Variants in KANK2 observed in about 807,000 individuals in gnomAD.
KANK2 encodes the protein KN motif and ankyrin repeat domains 2, also known as KN motif and ankyrin repeat domain-containing protein 2.
KANK2 carries 41 observed loss-of-function variants against 74.6 expected under a neutral mutation model. The ratio of observed to expected loss-of-function variants is 0.55; its 90% CI spans 0.43 to 0.71. KANK2 has a LOEUF of 0.71. KANK2 is among the 30% of genes least tolerant of loss of function. The probability of loss-of-function intolerance (pLI) is 0.00; values close to 1 mark genes in which losing one functional copy is unlikely to be tolerated. For synonymous variants in KANK2, 537 were observed against 519.0 expected, an observed-to-expected ratio of 1.03 and a Z score of -0.47; for missense variants, 1,148 against 1,196.4, an observed-to-expected ratio of 0.96 and a Z score of 0.60.
intron 7 of KANK2, 119 bp from the exon 8 acceptor site, chr19:11,176,108 C>T (rs560349885): frequency 1.4e-6 from 1 of 693,066 alleles, no homozygotes; most frequent in Admixed American, 2.5e-5. Context: ...GCATCTCAGA[C>T]CCTCCTTCAC....
At chr19:11,175,327 T>C (rs1296904706) in intron 8 of KANK2, among the ~76,000 whole-genome samples, 4 of 142,002 alleles carry the variant, frequency 2.8e-5, no homozygotes, top group South Asian at 2.2e-4. Flanking sequence ...ACTTGGGAGG[T>C]TGAGGCAGGA....
Position 11,170,745 on chromosome 19 carries a change from A to AATG in KANK2, c.2212-500_2212-498dup, listed in dbSNP as rs934176647. On this transcript the variant is annotated intron_variant, in intron 10 of 12. Coordinates refer to ENST00000586659, the MANE Select transcript of KANK2 (RefSeq NM_001136191.3). The surrounding 1 kb of genome is among the most constrained non-coding windows in gnomAD (Gnocchi z 5.2). ...AGCTGAGACTACAGGCATGCGCCAC[A>AATG]ATGCCTGGCTAATTTTTGTATCTTT... Among the ~76,000 whole-genome samples the AATG allele has an allele frequency of 6.6e-6, 1 of 152,026 alleles. No homozygotes were observed. Among genetic ancestry groups the AATG allele is most frequent in the African/African-American group, 2.4e-5 (1 of 41,400 alleles).
intron 2 of KANK2, 34 bp from the exon 3 acceptor site, chr19:11,194,624 G>A (rs1320815978): frequency 1.2e-6 from 1 of 819,486 alleles, no homozygotes; most frequent in Non-Finnish European, 2.1e-6. Flanking sequence ...CGGGAGTTAG[G>A]AGTCTGTAGG....
chr19:11,168,431 G>T (rs1451658466), intron 12 of KANK2, among the ~76,000 whole-genome samples: 1 of 151,970 alleles, frequency 6.6e-6, no homozygotes, highest in Non-Finnish European at 1.5e-5. Flanking sequence ...GAGTAGCTGG[G>T]AGTACAGGCA....
Position 11,178,682 on chromosome 19 carries a change from G to T in KANK2, c.1288C>A (p.Pro430Thr), listed in dbSNP as rs775927947. The part of the protein sequence containing the change: ...EVPAESSSSP[P>T]GSEVASLTQP... ...GTAAGGGAGGCTACCTCGGACCCCG[G>T]GGGTGACGAAGACGATTCGGCAGGA... Residue 430 changes from proline to threonine, a missense_variant, in exon 5 of 13, where the codon CCG becomes ACG. Pro to Thr is a conservative substitution (Grantham distance 38). Coordinates refer to ENST00000586659, the MANE Select transcript of KANK2 (RefSeq NM_001136191.3). The T allele has an allele frequency of 7.1e-6, 11 of 1,543,774 alleles. No homozygotes were observed. The highest frequency in any genetic ancestry group is 9.6e-6 in the Non-Finnish European group (11 of 1,150,440).
At chr19:11,196,212 C>T (rs2147655476) in intron 1 of KANK2, 1 of 152,516 alleles carries the variant, frequency 6.6e-6, no homozygotes, top group South Asian at 2.1e-4. Flanking sequence ...GCACCTGCCA[C>T]CACGCCTAGC....
Position 11,178,679 on chromosome 19 carries a change from C to T in KANK2, c.1291G>A (p.Gly431Arg). 2 of 1,544,040 alleles carry T rather than the reference C, an allele frequency of 1.3e-6. No individual in the cohort carries two copies. The highest frequency in any genetic ancestry group is 4.9e-5 in the East Asian group (2 of 40,890). ...TGTGTAAGGGAGGCTACCTCGGACC[C>T]CGGGGGTGACGAAGACGATTCGGCA... ...VPAESSSSPP[G>R]SEVASLTQPE... The change falls in exon 5 of 13, where the codon GGG becomes AGG. Residue 431 changes from glycine to arginine, a missense_variant. Physicochemically the swap from Gly to Arg is moderately radical, Grantham distance 125. Coordinates refer to ENST00000586659, the MANE Select transcript of KANK2 (RefSeq NM_001136191.3).
intron 10 of KANK2, 132 bp downstream of exon 10, chr19:11,172,849 G>C (rs1400839800): frequency 8.2e-5 from 76 of 924,786 alleles, no homozygotes; most frequent in Non-Finnish European, 1.2e-4. Flanking sequence ...AGAAGGTCCT[G>C]TGTCAGAGAC....
rs923532117 is a variant in KANK2 at position 11,179,619 on chromosome 19, CAG to C, written c.1250-901_1250-900del. 5.3e-5 allele frequency among the ~76,000 whole-genome samples: 8 copies of C among 151,194 alleles called. No individual in the cohort carries two copies. In the East Asian group the frequency reaches 5.8e-4, roughly 11 times the overall value. ...CACCACTGCACTCCAGCCTGGGTAA[CAG>C]AGAGAGACTGTCCTGAAAATAAAAA... On this transcript the variant is annotated intron_variant, in intron 4 of 12. Coordinates refer to ENST00000586659, the MANE Select transcript of KANK2 (RefSeq NM_001136191.3).
chr19:11,171,868 G>T (rs1416579193), intron 10 of KANK2, among the ~76,000 whole-genome samples: 1 of 148,034 alleles, frequency 6.8e-6, no homozygotes, highest in African/African-American at 2.5e-5. Flanking sequence ...TAGAGATGGG[G>T]TTTCACCATG....
intron 4 of KANK2, among the ~76,000 whole-genome samples, chr19:11,188,749 C>T (rs1011931270): frequency 1.3e-5 from 2 of 151,496 alleles, no homozygotes; most frequent in Non-Finnish European, 2.9e-5. Flanking sequence ...TTTGGGAGGC[C>T]GAGGCGGGCA....
At chr19:11,175,878 C>G in intron 8 of KANK2, 24 bp downstream of exon 8, 1 of 1,604,540 alleles carries the variant, frequency 6.2e-7, no homozygotes, top group Non-Finnish European at 8.5e-7. Flanking sequence ...GGGTGGCCAA[C>G]CTAGGCCCAG....
At chr19:11,194,427 A>T in intron 3 of KANK2, 48 bp downstream of exon 3, 1 of 1,527,256 alleles carries the variant, frequency 6.5e-7, no homozygotes. Flanking sequence ...TCAGGCCTCC[A>T]GAACTGAAGC....
chr19:11,172,132 C>T (rs985020125), intron 10 of KANK2, among the ~76,000 whole-genome samples: 4 of 151,334 alleles, frequency 2.6e-5, no homozygotes, highest in Admixed American at 6.6e-5. Flanking sequence ...CGTGCCACCA[C>T]GCCCAGCTAA....
chr19:11,168,604 C>G (rs530395504), intron 12 of KANK2, among the ~76,000 whole-genome samples: 1 of 152,264 alleles, frequency 6.6e-6, no homozygotes, highest in Non-Finnish European at 1.5e-5. Context: ...AGAATGCTCA[C>G]TCCATAAGGG....
chr19:11,176,603 C>G lies in KANK2; in HGVS notation c.1735G>C (p.Gly579Arg). ...QHIPTAEGAS[G>R]SNTEEEIRME... The stretch of plus-strand genomic sequence containing the variant: ...CTGATCTCCTCCTCCGTGTTTGATC[C>G]TGATGCCCCCTCAGCAGTGGGTATG... The change falls in exon 7 of 13, where the codon GGA becomes CGA. Residue 579 changes from glycine to arginine, a missense_variant. Gly to Arg is a moderately radical substitution (Grantham distance 125, BLOSUM62 -2). Coordinates refer to ENST00000586659, the MANE Select transcript of KANK2 (RefSeq NM_001136191.3). 6.2e-7 allele frequency: 1 copy of G among 1,600,784 alleles called. No individual in the cohort carries two copies.
Position 11,165,492 on chromosome 19 carries a change from G to C in KANK2, c.*1066C>G, listed in dbSNP as rs1229883408. 6.6e-6 allele frequency: 1 copy of C among 152,196 alleles called. No individual in the cohort carries two copies. Among genetic ancestry groups the C allele is most frequent in the Non-Finnish European group, 1.5e-5 (1 of 68,042 alleles). 9.4% of individuals were successfully genotyped at this position (152,196 alleles called of 1,614,324 possible). A position where few individuals can be genotyped will look rare whatever the true frequency, so the allele number is the denominator to read the frequency against. On this transcript the variant is annotated 3_prime_UTR_variant, in exon 13 of 13. Coordinates refer to ENST00000586659, the MANE Select transcript of KANK2 (RefSeq NM_001136191.3). ...CCAGATTCTTTTCCTGCGTCTTCAG[G>C]TCTGAAGGATTTTCTAGGAAAATTA...
chr19:11,192,991 C>T lies in KANK2; in HGVS notation c.1089G>A (p.Gly363=), dbSNP rs760378168. The part of the protein sequence containing the change: ...RAQSLEPYGT[G]LRALAMPGRP... ...TACCAGGCATTGCCAGGGCCCTCAG[C>T]CCTGTGCCGTAAGGCTCCAGGCTCT... Residue 363 remains glycine (G), a synonymous_variant, in exon 4 of 13, where the codon GGG becomes GGA. Transcript: ENST00000586659. 3.1e-6 allele frequency: 5 copies of T among 1,613,994 alleles called. No individual in the cohort carries two copies. The South Asian group carries it at 5.5e-5, about 18-fold the overall frequency.
chr19:11,178,826 T>G (rs1246439441), intron 4 of KANK2, 106 bp from the exon 5 acceptor site: 2 of 1,030,462 alleles, frequency 1.9e-6, no homozygotes, highest in Non-Finnish European at 2.7e-6. Context: ...GGCTGATTTT[T>G]GTGTTACCAC....
Sources: gnomAD v4.1 joint callset for allele counts (sites outside exome capture counted in the v4.1 genomes callset) on GRCh38, gnomAD v4.1.1 for gene constraint, Gnocchi (gnomAD v3.1) non-coding constraint, MANE v1.5 for transcripts, NCBI Gene and HGNC (gene_info 2026-07-23, HGNC 2026-07-21) for gene names.